The following DRAM1 variants were observed in gnomAD, a reference collection of about 807,000 sequenced individuals.
DRAM1 encodes the protein DNA damage-regulated autophagy modulator protein 1.
DRAM1 carries 25 observed loss-of-function variants against 28.5 expected under a neutral mutation model. The ratio of observed to expected loss-of-function variants is 0.88; its 90% CI spans 0.64 to 1.23. The LOEUF is 1.23. DRAM1 is among the 50% of genes most tolerant of loss of function. The pLI, the probability that DRAM1 is intolerant of heterozygous loss-of-function variation, is 0.00. For missense variants in DRAM1, 249 were observed against 299.2 expected, an observed-to-expected ratio of 0.83 and a Z score of 1.24; for synonymous variants, 113 against 114.2, an observed-to-expected ratio of 0.99 and a Z score of 0.07.
intron 1 of DRAM1, among the ~76,000 whole-genome samples, chr12:101,889,025 ACTC>A (rs1257976616): frequency 6.7e-6 from 1 of 150,014 alleles, no homozygotes; most frequent in Admixed American, 6.7e-5. Context: ...CTGGTCTTGA[ACTC>A]CTGGGCTCAA....
At chr12:101,920,776 T>A (rs1874453324) in intron 6 of DRAM1, among the ~76,000 whole-genome samples, 1 of 152,036 alleles carries the variant, frequency 6.6e-6, no homozygotes, top group South Asian at 2.1e-4. Context: ...CTGGGGGTGG[T>A]GGCACATGCC....
At chr12:101,914,848 G>C (rs182678335) in intron 5 of DRAM1, among the ~76,000 whole-genome samples, 26 of 151,972 alleles carry the variant, frequency 1.7e-4, no homozygotes, top group Admixed American at 1.6e-3. Flanking sequence ...GTAGAGACAG[G>C]GTTTTTCCCA....
chr12:101,891,168 A>G (rs141176894), intron 1 of DRAM1, among the ~76,000 whole-genome samples: 171 of 150,066 alleles, frequency 1.1e-3, no homozygotes, highest in African/African-American at 4.1e-3. Flanking sequence ...TCCCTTTTAA[A>G]TAATATATTT....
Position 101,883,696 on chromosome 12 carries a change from G to C in DRAM1, c.131+5776G>C, listed in dbSNP as rs555516176. Among the ~76,000 whole-genome samples, 9 of 151,648 alleles carry C rather than the reference G, an allele frequency of 5.9e-5. 1 individual carries two copies. The highest frequency in any genetic ancestry group is 2.2e-4 in the African/African-American group (9 of 41,516). On this transcript the variant is annotated intron_variant, in intron 1 of 6. Coordinates refer to ENST00000258534, the MANE Select transcript of DRAM1 (RefSeq NM_018370.3). ...CTCACGCCTGTAATCCCAGCACTTT[G>C]GGAGGCCAAAGCAGGCGGATCACGA...
chr12:101,904,543 G>A (rs1873732690), intron 3 of DRAM1, among the ~76,000 whole-genome samples: 2 of 140,544 alleles, frequency 1.4e-5, no homozygotes, highest in South Asian at 2.4e-4. Flanking sequence ...CCGAGTTCAC[G>A]CCATTCTCCT....
intron 1 of DRAM1, among the ~76,000 whole-genome samples, chr12:101,882,226 A>G (rs967820550): frequency 3.4e-5 from 5 of 147,524 alleles, no homozygotes; most frequent in African/African-American, 1.2e-4. Context: ...TTCCTGCCTC[A>G]GCCTCCCGAG....
At chr12:101,882,835 CTTTTTTT>C (rs35171315) in intron 1 of DRAM1, among the ~76,000 whole-genome samples, 2 of 112,576 alleles carry the variant, frequency 1.8e-5, no homozygotes, top group Admixed American at 9.5e-5. Flanking sequence ...ATGCAACAGC[CTTTTTTT>C]TTTTTTTTTT....
chr12:101,896,228 C>T (rs1017364960), intron 1 of DRAM1, among the ~76,000 whole-genome samples: 36 of 152,254 alleles, frequency 2.4e-4, no homozygotes, highest in African/African-American at 8.2e-4. Flanking sequence ...ACTAAGTGTT[C>T]GCAAAACTTA....
At chr12:101,912,850 C>A (rs561638031) in intron 4 of DRAM1, among the ~76,000 whole-genome samples, 1 of 151,864 alleles carries the variant, frequency 6.6e-6, no homozygotes, top group Admixed American at 6.6e-5. Flanking sequence ...GCTTCAGCCT[C>A]CCAGGTAGCT....
At chr12:101,920,293 C>CTTTATTTTTTTTTTTTT in intron 6 of DRAM1, 92 bp downstream of exon 6, 1 of 262,192 alleles carries the variant, frequency 3.8e-6, no homozygotes, top group Non-Finnish European at 5.6e-6. Context: ...AAAAAGAGCA[C>CTTTATTTTTTTTTTTTT]TTTCTTTTTT....
At chr12:101,920,432 T>C (rs987685724) in intron 6 of DRAM1, among the ~76,000 whole-genome samples, 82 of 151,976 alleles carry the variant, frequency 5.4e-4, no homozygotes, top group Non-Finnish European at 4.7e-4. Context: ...GAAAAATCTG[T>C]AAGGATTGTG....
intron 1 of DRAM1, among the ~76,000 whole-genome samples, chr12:101,881,549 CT>C (rs1872687585): frequency 6.6e-6 from 1 of 152,178 alleles, no homozygotes; most frequent in Admixed American, 6.6e-5. Context: ...ACTCTTTGTA[CT>C]TCCCTTCAAC....
rs554255335 is a variant in DRAM1, at chr12:101,885,193, C to T, written c.131+7273C>T. On this transcript the variant is annotated intron_variant, in intron 1 of 6. Transcript: ENST00000258534. The stretch of plus-strand genomic sequence containing the variant: ...CCTCCCAAAGTGCTGGGATAACAGG[C>T]GTGAGCCACCACACCCAGCCTTGCA... Among the ~76,000 whole-genome samples the T allele has an allele frequency of 2.1e-3, 326 of 152,270 alleles. 1 individual carries two copies. The highest frequency in any genetic ancestry group is 7.4e-3 in the African/African-American group (306 of 41,564).
chr12:101,882,835 C>CTTTT (rs35171315), intron 1 of DRAM1, among the ~76,000 whole-genome samples: 1 of 112,572 alleles, frequency 8.9e-6, no homozygotes, highest in Admixed American at 9.5e-5. Flanking sequence ...ATGCAACAGC[C>CTTTT]TTTTTTTTTT....
At chr12:101,907,536 C>T (rs781397232) in intron 3 of DRAM1, among the ~76,000 whole-genome samples, 4 of 151,970 alleles carry the variant, frequency 2.6e-5, no homozygotes, top group Admixed American at 6.6e-5. Context: ...ATCAGGAGTT[C>T]GAGACCAGCC....
At chr12:101,920,046 T>C in intron 5 of DRAM1, 63 bp from the exon 6 acceptor site, 1 of 1,177,148 alleles carries the variant, frequency 8.5e-7, no homozygotes, top group Non-Finnish European at 1.2e-6. Context: ...CTCATTGTAT[T>C]TCAGTATGTA....
chr12:101,879,976 C>T (rs1872634562), intron 1 of DRAM1, among the ~76,000 whole-genome samples: 2 of 149,168 alleles, frequency 1.3e-5, no homozygotes, highest in South Asian at 4.2e-4. Flanking sequence ...GGTGACAGAG[C>T]GAGACTCCAT....
intron 1 of DRAM1, 91 bp downstream of exon 1, chr12:101,878,011 G>C: frequency 7.5e-7 from 1 of 1,341,178 alleles, no homozygotes; most frequent in Non-Finnish European, 9.7e-7. Flanking sequence ...TCCGGACCCA[G>C]CTTGGGGCGT....
At chr12:101,917,266 C>CG (rs1874281269) in intron 5 of DRAM1, among the ~76,000 whole-genome samples, 1 of 152,174 alleles carries the variant, frequency 6.6e-6, no homozygotes, top group African/African-American at 2.4e-5. Context: ...AAAGGAGGAA[C>CG]ACCAGGGTGG....
Sources: gnomAD v4.1 joint callset for allele counts (sites outside exome capture counted in the v4.1 genomes callset) on GRCh38, gnomAD v4.1.1 for gene constraint, MANE v1.5 for transcripts, NCBI Gene and HGNC (gene_info 2026-07-23, HGNC 2026-07-21) for gene names.